The following AVL9 variants were observed in gnomAD, a reference collection of about 807,000 sequenced individuals.
AVL9 encodes AVL9 cell migration associated, also known as late secretory pathway protein AVL9 homolog.
A neutral mutation model predicts 79.2 loss-of-function variants in AVL9; 49 were observed. The observed-to-expected ratio is 0.62, with a 90% confidence interval of 0.49 to 0.79. The LOEUF is 0.79. Among genes scored for constraint, AVL9 ranks in the 30% least tolerant of loss-of-function variants. The pLI is 0.00. For missense variants in AVL9, 682 were observed against 776.8 expected, an observed-to-expected ratio of 0.88 and a Z score of 1.45; for synonymous variants, 299 against 280.6, an observed-to-expected ratio of 1.07 and a Z score of -0.65.
intron 3 of AVL9, among the ~76,000 whole-genome samples, chr7:32,547,461 T>A (rs1188525182): frequency 6.6e-6 from 1 of 152,216 alleles, no homozygotes; most frequent in East Asian, 1.9e-4. Flanking sequence ...CTGTTCCTTT[T>A]AATACCTTTT....
chr7:32,545,364 C>CTTTTGTTTTTTT (rs1789435860), intron 3 of AVL9, among the ~76,000 whole-genome samples: 1 of 73,352 alleles, frequency 1.4e-5, no homozygotes, highest in Non-Finnish European at 2.4e-5. Flanking sequence ...TCTAAGATTT[C>CTTTTGTTTTTTT]TTTTTTTTTT....
At chr7:32,525,469 T>C (rs1243309634) in intron 1 of AVL9, among the ~76,000 whole-genome samples, 1 of 152,202 alleles carries the variant, frequency 6.6e-6, no homozygotes, top group African/African-American at 2.4e-5. Flanking sequence ...TTAGAACTTA[T>C]TTTGCACACA....
At chr7:32,545,649 C>T (rs2128135387) in intron 3 of AVL9, among the ~76,000 whole-genome samples, 1 of 152,160 alleles carries the variant, frequency 6.6e-6, no homozygotes, top group East Asian at 1.9e-4. Flanking sequence ...GCCACTGTGT[C>T]CAGCCTTGAT....
chr7:32,558,667 C>T, intron 9 of AVL9, 39 bp downstream of exon 9: 1 of 1,491,732 alleles, frequency 6.7e-7, no homozygotes, highest in Non-Finnish European at 9.2e-7. Context: ...TTTTGTTTAA[C>T]TTGTACTGGA....
intron 11 of AVL9, 116 bp from the exon 12 acceptor site, chr7:32,573,083 G>A: frequency 1.4e-6 from 1 of 725,988 alleles, no homozygotes; most frequent in Non-Finnish European, 2.3e-6. Flanking sequence ...TTTTGAGAAT[G>A]CCATTATTCA....
At chr7:32,548,418 GATT>G (rs1458939734) in intron 3 of AVL9, among the ~76,000 whole-genome samples, 7 of 152,132 alleles carry the variant, frequency 4.6e-5, no homozygotes. Context: ...AAAATGCTGA[GATT>G]ACAGGCTTGA....
rs974761870 is a variant in AVL9, at chr7:32,587,074, G to C, written c.*3167G>C. The C allele has an allele frequency of 6.6e-6, 1 of 152,200 alleles. No individual in the cohort carries two copies. Among genetic ancestry groups the C allele is most frequent in the African/African-American group, 2.4e-5 (1 of 41,446 alleles). 9.4% of individuals were successfully genotyped at this position (152,200 alleles called of 1,614,324 possible). A position where few individuals can be genotyped will look rare whatever the true frequency, so the allele number is the denominator to read the frequency against. On this transcript the variant is annotated 3_prime_UTR_variant, in exon 16 of 16. Transcript: ENST00000318709. The stretch of plus-strand genomic sequence containing the variant: ...AGCAATATACTTTGGCAGCAAACCA[G>C]AGCATATGATGTAACTTGCTCAACC...
chr7:32,528,035 G>A (rs1462347374), intron 1 of AVL9, among the ~76,000 whole-genome samples: 2 of 152,032 alleles, frequency 1.3e-5, no homozygotes, highest in South Asian at 2.1e-4. Flanking sequence ...CCTGATACTT[G>A]GAGGCTTCAT....
At chr7:32,505,178 C>A (rs751646541) in intron 1 of AVL9, among the ~76,000 whole-genome samples, 1 of 151,416 alleles carries the variant, frequency 6.6e-6, no homozygotes, top group Non-Finnish European at 1.5e-5. Context: ...CCGGCCTGAT[C>A]TTTTTATTTT....
At chr7:32,564,616 T>C (rs1790474166) in intron 10 of AVL9, among the ~76,000 whole-genome samples, 1 of 152,216 alleles carries the variant, frequency 6.6e-6, no homozygotes, top group African/African-American at 2.4e-5. Flanking sequence ...TCTAATCCTC[T>C]CTCTGGTACT....
intron 5 of AVL9, 137 bp from the exon 6 acceptor site, chr7:32,552,092 G>C: frequency 1.7e-6 from 1 of 597,568 alleles, no homozygotes; most frequent in Non-Finnish European, 3.1e-6. Flanking sequence ...TTGCAGAGAG[G>C]CTTGATTGTT....
At chr7:32,580,999 C>A in intron 15 of AVL9, 109 bp downstream of exon 15, 1 of 885,928 alleles carries the variant, frequency 1.1e-6, no homozygotes, top group South Asian at 1.7e-5. Flanking sequence ...TCTGTGTTAT[C>A]ACATAGTAAT....
At chr7:32,511,948 G>C (rs1787692929) in intron 1 of AVL9, among the ~76,000 whole-genome samples, 1 of 152,182 alleles carries the variant, frequency 6.6e-6, no homozygotes, top group Non-Finnish European at 1.5e-5. Flanking sequence ...GAGATGTGCT[G>C]AGACCGACTC....
At chr7:32,572,500 A>G (rs1276204494) in intron 11 of AVL9, among the ~76,000 whole-genome samples, 4 of 150,684 alleles carry the variant, frequency 2.7e-5, no homozygotes, top group Admixed American at 2.6e-4. Flanking sequence ...ATATTACATA[A>G]TAAGATATTC....
chr7:32,502,291 A>G (rs1338899088), intron 1 of AVL9, among the ~76,000 whole-genome samples: 3 of 151,560 alleles, frequency 2.0e-5, no homozygotes, highest in Non-Finnish European at 4.4e-5. Context: ...GTCACAAAAA[A>G]GTGAAGCAGG....
At chr7:32,572,630 A>G (rs1489221858) in intron 11 of AVL9, among the ~76,000 whole-genome samples, 2 of 149,998 alleles carry the variant, frequency 1.3e-5, no homozygotes, top group Admixed American at 6.6e-5. Context: ...GTGAAATCCC[A>G]TCTCTACTAA....
chr7:32,559,195 T>A lies in AVL9; in HGVS notation c.946T>A (p.Leu316Met). ...GQEPNDTNQY[L>M]KPPSRPSPDS... ...GGAACCCAATGATACCAATCAATAT[T>A]TGAAACCTCCATCTCGCCCATCTCC... Residue 316 changes from leucine to methionine, a missense_variant, in exon 10 of 16, where the codon TTG (leucine) becomes ATG (methionine). Physicochemically the swap from Leu to Met is conservative, Grantham distance 15. Coordinates refer to ENST00000318709, the MANE Select transcript of AVL9 (RefSeq NM_015060.3). 1.2e-6 allele frequency: 2 copies of A among 1,614,152 alleles called. No individual in the cohort carries two copies. Among genetic ancestry groups the A allele is most frequent in the South Asian group, 2.2e-5 (2 of 91,080 alleles).
At chr7:32,533,169 T>C (rs1477351569) in intron 1 of AVL9, 1 of 152,072 alleles carries the variant, frequency 6.6e-6, no homozygotes. Flanking sequence ...TGGCCGGCTG[T>C]GGTGGCAGGT....
intron 1 of AVL9, among the ~76,000 whole-genome samples, chr7:32,527,544 T>TA (rs34245454): frequency 0.5 from 75,430 of 151,472 alleles, 20,109 homozygotes; most frequent in Admixed American, 0.61. Context: ...GCTTTCTACT[T>TA]AAAAAAAAAT....
Sources: gnomAD v4.1 joint callset for allele counts (sites outside exome capture counted in the v4.1 genomes callset) on GRCh38, gnomAD v4.1.1 for gene constraint, MANE v1.5 for transcripts, NCBI Gene and HGNC (gene_info 2026-07-23, HGNC 2026-07-21) for gene names.